SLC26A2: variants seen among roughly 807,000 people sequenced by gnomAD.
SLC26A2 encodes solute carrier family 26 member 2.
SLC26A2 carries 36 observed loss-of-function variants against 41.1 expected under a neutral mutation model. The observed-to-expected ratio is 0.88, with a 90% CI of 0.67 to 1.16. SLC26A2 has a LOEUF of 1.16. SLC26A2 is among the 50% of genes most tolerant of loss of function. The pLI is 0.00. For missense variants in SLC26A2, 796 were observed against 869.6 expected (o/e 0.92, Z 1.07); for synonymous variants, 291 against 311.6 (o/e 0.93, Z 0.70).
At chr5:149,962,395 G>A (rs1415820411) in intron 1 of SLC26A2, 1 of 151,776 alleles carries the variant, frequency 6.6e-6, no homozygotes, top group Non-Finnish European at 1.5e-5. Context: ...TAGGAGTGCA[G>A]GGGCGCGATC....
At chr5:149,977,449 G>A (rs1161152607) in intron 1 of SLC26A2, among the ~76,000 whole-genome samples, 179 bp from the exon 2 acceptor site, 5 of 152,066 alleles carry the variant, frequency 3.3e-5, no homozygotes, top group African/African-American at 1.2e-4. Flanking sequence ...GTCTGGTTCT[G>A]GTCTTTTTTT....
At position 149,981,434 on chromosome 5, in the gene SLC26A2, A is replaced by G; in HGVS notation, c.1841A>G (p.Lys614Arg). 2 of 1,614,144 alleles carry G rather than the reference A, an allele frequency of 1.2e-6. No individual in the cohort carries two copies. The highest frequency in any genetic ancestry group is 1.7e-6 in the Non-Finnish European group (2 of 1,179,962). ...VNPILIKVAW[K>R]KAAKRKIKEK... ...CCAATCTTAATAAAGGTGGCTTGGA[A>G]GAAGGCAGCAAAGAGAAAGATCAAA... Residue 614 changes from lysine to arginine, a missense_variant, in exon 3 of 3, where the codon AAG (lysine) becomes AGG (arginine). Physicochemically the swap from Lys to Arg is conservative, Grantham distance 26. Transcript: ENST00000286298.
chr5:149,966,998 A>G (rs535490174), intron 1 of SLC26A2, among the ~76,000 whole-genome samples: 49 of 152,282 alleles, frequency 3.2e-4, no homozygotes, highest in African/African-American at 1.0e-3. Context: ...ATAAACTGCA[A>G]TTGAAAACAA....
chr5:149,969,875 C>G (rs1196767423), intron 1 of SLC26A2, among the ~76,000 whole-genome samples: 1 of 152,158 alleles, frequency 6.6e-6, no homozygotes, highest in Non-Finnish European at 1.5e-5. Flanking sequence ...AGTGTATTCT[C>G]CACTCTCAGA....
At chr5:149,973,905 G>A (rs1754945955) in intron 1 of SLC26A2, among the ~76,000 whole-genome samples, 1 of 152,192 alleles carries the variant, frequency 6.6e-6, no homozygotes, top group Admixed American at 6.5e-5. Context: ...CACTTTGGGA[G>A]GCCAGGGTGG....
Position 149,982,761 on chromosome 5 carries a change from T to C in SLC26A2, c.*948T>C, listed in dbSNP as rs1294662400. 1 of 152,188 alleles carries C rather than the reference T, an allele frequency of 6.6e-6. No individual in the cohort carries two copies. Among genetic ancestry groups the C allele is most frequent in the African/African-American group, 2.4e-5 (1 of 41,444 alleles). The allele number at this position is 152,188 out of a possible 1,614,324, so 9.4% of individuals were successfully genotyped here. On this transcript the variant is annotated 3_prime_UTR_variant, in exon 3 of 3. Transcript: ENST00000286298. ...GATGTACAGTAAATATTGATGACAA[T>C]GACAGCTTTTAACTCTTCAAGTCAC...
At chr5:149,966,357 C>T (rs757745348) in intron 1 of SLC26A2, among the ~76,000 whole-genome samples, 1 of 152,206 alleles carries the variant, frequency 6.6e-6, no homozygotes, top group African/African-American at 2.4e-5. Context: ...TATGACTTGC[C>T]TGGAGTCCAG....
rs151108572 is a variant in SLC26A2, at chr5:149,976,327, A to G, written c.-25-1301A>G. ...TCCTCCAGGAGCTAGAGAGATTCCTACTTCACTAATACAAGAGTGTGGTTA... is the reference window on the plus strand; with the variant it reads ...TCCTCCAGGAGCTAGAGAGATTCCTGCTTCACTAATACAAGAGTGTGGTTA... On this transcript the variant is annotated intron_variant, in intron 1 of 2. Coordinates refer to ENST00000286298, the MANE Select transcript of SLC26A2 (RefSeq NM_000112.4). Among the ~76,000 whole-genome samples the G allele has an allele frequency of 4.6e-3, 703 of 152,258 alleles. 9 individuals carry two copies. The highest frequency in any genetic ancestry group is 0.016 in the African/African-American group (669 of 41,562).
At chr5:149,964,840 C>A (rs1002654938) in intron 1 of SLC26A2, among the ~76,000 whole-genome samples, 16 of 152,176 alleles carry the variant, frequency 1.1e-4, no homozygotes, top group Middle Eastern at 3.4e-3. Context: ...GACCATTATA[C>A]AGGAACTGTG....
rs1755146753 is a variant in SLC26A2, at chr5:149,983,829, A to C, written c.*2016A>C. On this transcript the variant is annotated 3_prime_UTR_variant, in exon 3 of 3. Coordinates refer to ENST00000286298, the MANE Select transcript of SLC26A2 (RefSeq NM_000112.4). The stretch of plus-strand genomic sequence containing the variant: ...CAGGCTCAAGCAATCCTTCAGCCTC[A>C]GCCTCCCAGAGTGTTGGGATTACAG... 6.6e-6 allele frequency: 1 copy of C among 152,256 alleles called. No individual in the cohort carries two copies. The allele number at this position is 152,256 out of a possible 1,614,324, so 9.4% of individuals were successfully genotyped here.
chr5:149,985,937 T>C lies in SLC26A2; in HGVS notation c.*4124T>C, dbSNP rs999873340. 3 of 152,238 alleles carry C rather than the reference T, an allele frequency of 2.0e-5. No individual in the cohort carries two copies. Among genetic ancestry groups the C allele is most frequent in the Non-Finnish European group, 4.4e-5 (3 of 68,036 alleles). 9.4% of individuals were successfully genotyped at this position (152,238 alleles called of 1,614,324 possible). On this transcript the variant is annotated 3_prime_UTR_variant, in exon 3 of 3. Coordinates refer to ENST00000286298, the MANE Select transcript of SLC26A2 (RefSeq NM_000112.4). Reference sequence around the variant, plus strand: ...TTGAGATCTGAGCAGGAGGCAGTGATGTCCCTGGTCTATTCAGGGAAAGAT... The same window carrying C: ...TTGAGATCTGAGCAGGAGGCAGTGACGTCCCTGGTCTATTCAGGGAAAGAT...
Position 149,986,381 on chromosome 5 carries a change from T to G in SLC26A2, c.*4568T>G, listed in dbSNP as rs945529269. 1.3e-5 allele frequency: 2 copies of G among 152,130 alleles called. No individual in the cohort carries two copies. Among genetic ancestry groups the G allele is most frequent in the African/African-American group, 4.8e-5 (2 of 41,416 alleles). The allele number at this position is 152,130 out of a possible 1,614,324, so 9.4% of individuals were successfully genotyped here. A position where few individuals can be genotyped will look rare whatever the true frequency, so the allele number is the denominator to read the frequency against. Reference sequence around the variant, plus strand: ...GAAAAGGACAAAATAATATACCAGCTGGTTTGTTATTATAGTCCGTGTATT... The same window carrying G: ...GAAAAGGACAAAATAATATACCAGCGGGTTTGTTATTATAGTCCGTGTATT... On this transcript the variant is annotated 3_prime_UTR_variant, in exon 3 of 3. Coordinates refer to ENST00000286298, the MANE Select transcript of SLC26A2 (RefSeq NM_000112.4).
At chr5:149,964,552 C>T (rs1006797919) in intron 1 of SLC26A2, among the ~76,000 whole-genome samples, 1 of 151,792 alleles carries the variant, frequency 6.6e-6, no homozygotes, top group Non-Finnish European at 1.5e-5. Flanking sequence ...CCGAGGCGGG[C>T]GGATCACGAG....
At position 149,975,263 on chromosome 5, in the gene SLC26A2, G is replaced by A. The variant is rs148813374; in HGVS notation, c.-25-2365G>A. Among the ~76,000 whole-genome samples the A allele has an allele frequency of 2.5e-3, 376 of 152,104 alleles. 2 individuals are homozygous for A. Among genetic ancestry groups the A allele is most frequent in the Non-Finnish European group, 4.1e-3 (280 of 67,998 alleles). Reference sequence around the variant, plus strand: ...TTTCAGGTCTAGTAATGATCCTATCGAAGGCATTCATCATCTCTGTTACTG... The same window carrying A: ...TTTCAGGTCTAGTAATGATCCTATCAAAGGCATTCATCATCTCTGTTACTG... On this transcript the variant is annotated intron_variant, in intron 1 of 2. Coordinates refer to ENST00000286298, the MANE Select transcript of SLC26A2 (RefSeq NM_000112.4).
chr5:149,970,062 G>A (rs1242051349), intron 1 of SLC26A2, among the ~76,000 whole-genome samples: 1 of 152,180 alleles, frequency 6.6e-6, no homozygotes, highest in African/African-American at 2.4e-5. Flanking sequence ...AAGAAAGACT[G>A]TAAATAATAG....
At position 149,981,187 on chromosome 5, in the gene SLC26A2, C is replaced by G. The variant is rs1369717320; in HGVS notation, c.1594C>G (p.Leu532Val). The change falls in exon 3 of 3, where the codon CTT (leucine) becomes GTT (valine). Residue 532 changes from leucine (L) to valine (V), a missense_variant. Transcript: ENST00000286298. Reference sequence around the variant, plus strand: ...ACTGCTAAGTACTGAAATAGGCCTACTTGTTGGGGTTTGTTTTTCTATATT... The same window carrying G: ...ACTGCTAAGTACTGAAATAGGCCTAGTTGTTGGGGTTTGTTTTTCTATATT... ...SALLSTEIGL[L>V]VGVCFSIFCV... 6.2e-7 allele frequency: 1 copy of G among 1,614,010 alleles called. No homozygotes were observed. Among genetic ancestry groups the G allele is most frequent in the Non-Finnish European group, 8.5e-7 (1 of 1,180,018 alleles).
chr5:149,967,449 A>C (rs886348324), intron 1 of SLC26A2, among the ~76,000 whole-genome samples: 2 of 152,190 alleles, frequency 1.3e-5, no homozygotes, highest in Non-Finnish European at 2.9e-5. Flanking sequence ...ACTTTCTGTC[A>C]CTATAAATTA....
At chr5:149,962,539 A>G (rs1046336439) in intron 1 of SLC26A2, among the ~76,000 whole-genome samples, 2 of 152,116 alleles carry the variant, frequency 1.3e-5, no homozygotes, top group African/African-American at 4.8e-5. Context: ...GTGTTTCACC[A>G]TGTTGCCCAG....
rs543779853 is a variant in SLC26A2, at chr5:149,984,086, G to T, written c.*2273G>T. 1.3e-5 allele frequency: 2 copies of T among 152,286 alleles called. No individual in the cohort carries two copies. Among genetic ancestry groups the T allele is most frequent in the African/African-American group, 4.8e-5 (2 of 41,548 alleles). The allele number at this position is 152,286 out of a possible 1,614,324, so 9.4% of individuals were successfully genotyped here. ...GGATAACAGGATTTGACCTTTACCA[G>T]CGATTTCTGTCCATATGTGGATGTA... is the stretch of plus-strand genomic sequence containing the variant. On this transcript the variant is annotated 3_prime_UTR_variant, in exon 3 of 3. Transcript: ENST00000286298.
Sources: gnomAD v4.1 joint callset for allele counts (sites outside exome capture counted in the v4.1 genomes callset) on GRCh38, gnomAD v4.1.1 for gene constraint, MANE v1.5 for transcripts, NCBI Gene and HGNC (gene_info 2026-07-23, HGNC 2026-07-21) for gene names.